Variants in KIF26B observed in about 807,000 individuals in gnomAD.
KIF26B encodes the protein kinesin family member 26B.
Under a neutral mutation model 151.2 loss-of-function variants are expected in KIF26B, and 63 were observed. That is an observed-to-expected ratio of 0.42 (90% CI 0.34 to 0.51). The LOEUF (loss-of-function observed/expected upper bound fraction) is 0.51, where lower values mean the gene tolerates loss of function less well. Among genes scored for constraint, KIF26B ranks in the 20% least tolerant of loss-of-function variants. The pLI is 0.07. For missense variants in KIF26B, 2,813 were observed against 2,913.6 expected, an observed-to-expected ratio of 0.97 and a Z score of 0.79; for synonymous variants, 1,357 against 1,262.1, an observed-to-expected ratio of 1.08 and a Z score of -1.59.
At chr1:245,490,009 T>A (rs929872001) in intron 4 of KIF26B, among the ~76,000 whole-genome samples, 5 of 152,228 alleles carry the variant, frequency 3.3e-5, no homozygotes, top group African/African-American at 1.2e-4. Context: ...CTGAGCTGTG[T>A]GTAAACATAG....
intron 5 of KIF26B, among the ~76,000 whole-genome samples, chr1:245,585,675 G>A (rs141562653): frequency 2.6e-5 from 4 of 152,288 alleles, no homozygotes; most frequent in East Asian, 3.9e-4. Flanking sequence ...CGAGAGTTCC[G>A]AAGCAGATCT....
At chr1:245,635,598 T>G (rs1031271722) in intron 9 of KIF26B, among the ~76,000 whole-genome samples, 4 of 151,922 alleles carry the variant, frequency 2.6e-5, no homozygotes, top group African/African-American at 9.7e-5. Context: ...CCATTGTTTT[T>G]GGTTTTCTGT....
intron 2 of KIF26B, among the ~76,000 whole-genome samples, chr1:245,230,646 G>T (rs1444427476): frequency 6.6e-6 from 1 of 152,016 alleles, no homozygotes; most frequent in African/African-American, 2.4e-5. Flanking sequence ...GGGAGGATGA[G>T]GCAGGAGAAT....
At chr1:245,556,043 G>T (rs1235466559) in intron 5 of KIF26B, among the ~76,000 whole-genome samples, 3 of 152,290 alleles carry the variant, frequency 2.0e-5, no homozygotes, top group Admixed American at 1.3e-4. Flanking sequence ...AAGAGATGGA[G>T]ATGCAGTCCC....
chr1:245,413,377 T>C (rs1370481817), intron 3 of KIF26B, among the ~76,000 whole-genome samples: 3 of 152,142 alleles, frequency 2.0e-5, no homozygotes, highest in Admixed American at 1.3e-4. Context: ...AAAATAAGGC[T>C]CTTGGCCAGG....
Position 245,504,322 on chromosome 1 carries a change from C to T in KIF26B, c.1167-36445C>T, listed in dbSNP as rs115337376. ...GGTCTCTCTCTCTCTCTTTCTCTGC[C>T]CTTCCTTCCTTCCCTCCTTCCCTCC... On this transcript the variant is annotated intron_variant, in intron 4 of 14. Transcript: ENST00000407071. Among the ~76,000 whole-genome samples, 875 of 148,616 alleles carry T rather than the reference C, an allele frequency of 5.9e-3. 5 individuals are homozygous for T. Among genetic ancestry groups the T allele is most frequent in the African/African-American group, 8.8e-3 (359 of 40,688 alleles).
chr1:245,544,270 T>C lies in KIF26B; in HGVS notation c.1350+3320T>C, dbSNP rs1572116819. Among the ~76,000 whole-genome samples, 10 of 152,316 alleles carry C rather than the reference T, an allele frequency of 6.6e-5. No homozygotes were observed. In the South Asian group the frequency reaches 2.1e-3, roughly 32 times the overall value. ...TAGAACATAAATAATTGGCGCTATA[T>C]ATAAATCGGCAGGTTTGAGGTAGAC... On this transcript the variant is annotated intron_variant, in intron 5 of 14. Coordinates refer to ENST00000407071, the MANE Select transcript of KIF26B (RefSeq NM_018012.4).
chr1:245,444,202 TAGA>T (rs1659195532), intron 4 of KIF26B, among the ~76,000 whole-genome samples: 5 of 140,046 alleles, frequency 3.6e-5, no homozygotes, highest in Admixed American at 2.1e-4. Context: ...ACTGTTCACC[TAGA>T]GGAGAGGTCA....
At chr1:245,248,177 A>G (rs1670371594) in intron 2 of KIF26B, among the ~76,000 whole-genome samples, 1 of 152,126 alleles carries the variant, frequency 6.6e-6, no homozygotes, top group East Asian at 1.9e-4. Context: ...ATACCCCAAA[A>G]TAACTGAGCA....
intron 2 of KIF26B, among the ~76,000 whole-genome samples, chr1:245,187,150 C>T (rs1300597337): frequency 6.6e-6 from 1 of 152,220 alleles, no homozygotes; most frequent in African/African-American, 2.4e-5. Flanking sequence ...CCACTGCACT[C>T]AGCCAAGCCA....
At chr1:245,345,851 G>A (rs1055745771) in intron 2 of KIF26B, among the ~76,000 whole-genome samples, 7 of 151,988 alleles carry the variant, frequency 4.6e-5, no homozygotes, top group Admixed American at 4.6e-4. Flanking sequence ...ATGCTTCCTG[G>A]ACAGCCTGTA....
At chr1:245,234,434 C>T (rs78307976) in intron 2 of KIF26B, 7,924 of 152,510 alleles carry the variant, frequency 0.052, 411 homozygotes, top group African/African-American at 0.14. Flanking sequence ...GTGCTTGCCT[C>T]GTGGGGTGCT....
chr1:245,662,689 A>AAT (rs1222243681), intron 10 of KIF26B, among the ~76,000 whole-genome samples: 1 of 21,020 alleles, frequency 4.8e-5, no homozygotes, highest in Non-Finnish European at 1.1e-4. Context: ...ATATATATAC[A>AAT]ATATATATAT....
chr1:245,280,497 C>T (rs755475756), intron 2 of KIF26B, among the ~76,000 whole-genome samples: 14 of 124,164 alleles, frequency 1.1e-4, no homozygotes, highest in Non-Finnish European at 2.2e-4. Context: ...CACCACTGCA[C>T]TCCAGCCTGG....
At chr1:245,401,867 C>G (rs1674008164) in intron 3 of KIF26B, among the ~76,000 whole-genome samples, 1 of 140,800 alleles carries the variant, frequency 7.1e-6, no homozygotes, top group South Asian at 2.1e-4. Flanking sequence ...GAGATTCCAT[C>G]TCCAAACAAA....
At chr1:245,603,173 T>C (rs180770791) in intron 6 of KIF26B, among the ~76,000 whole-genome samples, 1 of 151,932 alleles carries the variant, frequency 6.6e-6, no homozygotes, top group African/African-American at 2.4e-5. Context: ...AGGGAGCTGA[T>C]TAGAATTAGG....
rs1334111104 is a variant in KIF26B at position 245,167,314 on chromosome 1, A to C, written c.465+10631A>C. 6.6e-6 allele frequency among the ~76,000 whole-genome samples: 1 copy of C among 151,810 alleles called. No homozygotes were observed. The highest frequency in any genetic ancestry group is 2.4e-5 in the African/African-American group (1 of 41,276). On this transcript the variant is annotated intron_variant, in intron 2 of 14. Transcript: ENST00000407071. The surrounding 1 kb of genome is among the most constrained non-coding windows in gnomAD (Gnocchi z 4.2). ...TCTAAGTGATGTCTGAGGTCTGTATATGCTAATTCAGGATTTTTTTTCTGA... is the reference window on the plus strand; with the variant it reads ...TCTAAGTGATGTCTGAGGTCTGTATCTGCTAATTCAGGATTTTTTTTCTGA...
intron 6 of KIF26B, among the ~76,000 whole-genome samples, chr1:245,605,030 G>A (rs561292528): frequency 6.6e-6 from 1 of 152,098 alleles, no homozygotes; most frequent in South Asian, 2.1e-4. Context: ...TGCTCGGTAT[G>A]GTGGTGTATC....
intron 3 of KIF26B, among the ~76,000 whole-genome samples, chr1:245,392,572 T>C (rs1673725895): frequency 6.6e-6 from 1 of 152,190 alleles, no homozygotes; most frequent in Non-Finnish European, 1.5e-5. Flanking sequence ...GAGCTTCTGA[T>C]GTTGCTGTTG....
Sources: gnomAD v4.1 joint callset for allele counts (sites outside exome capture counted in the v4.1 genomes callset) on GRCh38, gnomAD v4.1.1 for gene constraint, Gnocchi (gnomAD v3.1) non-coding constraint, MANE v1.5 for transcripts, NCBI Gene and HGNC (gene_info 2026-07-23, HGNC 2026-07-21) for gene names.